ABCC4: variants seen among roughly 807,000 people sequenced by gnomAD.
ABCC4 encodes the protein ATP-binding cassette sub-family C member 4.
A neutral mutation model predicts 168.5 loss-of-function variants in ABCC4; 102 were observed. The ratio of observed to expected loss-of-function variants is 0.61; its 90% confidence interval spans 0.52 to 0.71. The LOEUF (loss-of-function observed/expected upper bound fraction) is 0.71, where lower values mean the gene tolerates loss of function less well. Among genes scored for constraint, ABCC4 ranks in the 30% least tolerant of loss-of-function variants. ABCC4 has a pLI of 0.00. For synonymous variants in ABCC4, 617 were observed against 590.7 expected (o/e 1.04, Z -0.65); for missense variants, 1,402 against 1,605.8 (o/e 0.87, Z 2.17).
intron 3 of ABCC4, among the ~76,000 whole-genome samples, chr13:95,246,399 C>T (rs1367827866): frequency 6.6e-6 from 1 of 152,186 alleles, no homozygotes; most frequent in East Asian, 1.9e-4. Flanking sequence ...TCAGCCAGCT[C>T]CAGCCTCTGG....
chr13:95,111,786 AC>A (rs1197880963), intron 20 of ABCC4, among the ~76,000 whole-genome samples: 2 of 152,216 alleles, frequency 1.3e-5, no homozygotes, highest in Non-Finnish European at 2.9e-5. Flanking sequence ...TCACATGTAA[AC>A]CAGAATTTCC....
intron 19 of ABCC4, among the ~76,000 whole-genome samples, chr13:95,152,353 T>C (rs1440533417): frequency 6.6e-6 from 1 of 152,240 alleles, no homozygotes; most frequent in Non-Finnish European, 1.5e-5. Context: ...TGGGTGTTGC[T>C]TAAAGAGATG....
At chr13:95,119,324 T>C (rs2035482478) in intron 19 of ABCC4, among the ~76,000 whole-genome samples, 1 of 152,052 alleles carries the variant, frequency 6.6e-6, no homozygotes, top group South Asian at 2.1e-4. Flanking sequence ...CATTAATAAG[T>C]GCATCAAAGA....
intron 19 of ABCC4, among the ~76,000 whole-genome samples, chr13:95,157,131 A>ACACACACACACACAC (rs1350889658): frequency 2.4e-5 from 2 of 82,708 alleles, no homozygotes; most frequent in African/African-American, 1.4e-4. Context: ...CACACACACA[A>ACACACACACACACAC]ACAGTCACCA....
chr13:95,074,579 G>T (rs2033836383), intron 22 of ABCC4, among the ~76,000 whole-genome samples: 1 of 152,200 alleles, frequency 6.6e-6, no homozygotes, highest in Non-Finnish European at 1.5e-5. Flanking sequence ...ACTGAGAAAA[G>T]TAGTCTCATA....
intron 20 of ABCC4, among the ~76,000 whole-genome samples, chr13:95,100,775 G>A (rs757087641): frequency 1.9e-4 from 29 of 152,184 alleles, no homozygotes; most frequent in Non-Finnish European, 2.2e-4. Flanking sequence ...ACTTTTGAAA[G>A]ACTCAGTAAA....
intron 8 of ABCC4, among the ~76,000 whole-genome samples, chr13:95,200,641 A>T (rs2038598028): frequency 1.3e-5 from 2 of 152,146 alleles, no homozygotes; most frequent in Non-Finnish European, 2.9e-5. Flanking sequence ...GAATCACTTG[A>T]ACCTGGGAGG....
intron 1 of ABCC4, among the ~76,000 whole-genome samples, chr13:95,276,486 G>A (rs1343763405): frequency 7.0e-6 from 1 of 142,750 alleles, no homozygotes; most frequent in African/African-American, 2.6e-5. Context: ...TAGCCTAGGC[G>A]ACAGAGTGAG....
intron 11 of ABCC4, among the ~76,000 whole-genome samples, chr13:95,179,155 A>G (rs1444980907): frequency 1.3e-5 from 2 of 152,226 alleles, no homozygotes; most frequent in Non-Finnish European, 2.9e-5. Context: ...GCATAAAGCC[A>G]CGGGACTTAC....
At chr13:95,169,635 C>G (rs1162336294) in intron 14 of ABCC4, among the ~76,000 whole-genome samples, 1 of 152,134 alleles carries the variant, frequency 6.6e-6, no homozygotes, top group East Asian at 1.9e-4. Flanking sequence ...AGCGAGGCAA[C>G]CCCACCCCTC....
intron 20 of ABCC4, among the ~76,000 whole-genome samples, chr13:95,096,964 C>T (rs936732485): frequency 1.3e-5 from 2 of 151,970 alleles, no homozygotes; most frequent in African/African-American, 4.8e-5. Context: ...TTTAAAAGAC[C>T]ATTGGTTATT....
At chr13:95,076,262 G>A (rs552719297) in intron 21 of ABCC4, among the ~76,000 whole-genome samples, 4 of 152,260 alleles carry the variant, frequency 2.6e-5, no homozygotes, top group South Asian at 2.1e-4. Flanking sequence ...TCCAGGAACC[G>A]GACAGATGTT....
At chr13:95,178,488 GA>G (rs2037783861) in intron 11 of ABCC4, among the ~76,000 whole-genome samples, 1 of 152,360 alleles carries the variant, frequency 6.6e-6, no homozygotes, top group African/African-American at 2.4e-5. Flanking sequence ...TAGGGAGACA[GA>G]GTGACAGAGG....
At chr13:95,098,127 TA>T (rs1431761800) in intron 20 of ABCC4, among the ~76,000 whole-genome samples, 1 of 122,012 alleles carries the variant, frequency 8.2e-6, no homozygotes, top group African/African-American at 3.6e-5. Flanking sequence ...CAGAGTGAGA[TA>T]CTGTCTAAAA....
At chr13:95,101,528 TATCTTC>T (rs1477773295) in intron 20 of ABCC4, among the ~76,000 whole-genome samples, 1 of 152,220 alleles carries the variant, frequency 6.6e-6, no homozygotes, top group Non-Finnish European at 1.5e-5. Context: ...CTCTGCATCT[TATCTTC>T]ATTTTTCATT....
Position 95,166,206 on chromosome 13 carries a change from T to C in ABCC4, c.1986A>G (p.Gln662=), listed in dbSNP as rs143045806. Residue 662 remains glutamine, a synonymous_variant, in exon 15 of 31, where the codon CAA becomes CAG. Coordinates refer to ENST00000645237, the MANE Select transcript of ABCC4 (RefSeq NM_005845.5). ...CTTTCAAGGAGGGTCTAGAAGATTG[T>C]TGAGACCAAACCGAAGACTCTGAGA... The part of the protein sequence containing the change: ...RTFSESSVWS[Q]QSSRPSLKDG... 761 of 1,614,142 alleles carry C rather than the reference T, an allele frequency of 4.7e-4. 9 individuals are homozygous for C. In the South Asian group the frequency reaches 7.6e-3, roughly 16 times the overall value.
intron 27 of ABCC4, among the ~76,000 whole-genome samples, chr13:95,045,868 C>T (rs559964824): frequency 1.7e-4 from 26 of 152,246 alleles, no homozygotes; most frequent in African/African-American, 1.7e-4. Context: ...ACCTTAAACA[C>T]GGAAGCACAC....
intron 30 of ABCC4, among the ~76,000 whole-genome samples, chr13:95,022,384 G>C (rs2031141871): frequency 6.6e-6 from 1 of 152,176 alleles, no homozygotes; most frequent in African/African-American, 2.4e-5. Flanking sequence ...AACTAGAAGA[G>C]ATACAGGTTT....
chr13:95,162,041 T>C (rs1413499221), intron 18 of ABCC4, among the ~76,000 whole-genome samples: 1 of 152,220 alleles, frequency 6.6e-6, no homozygotes. Flanking sequence ...CATCTCTTCA[T>C]TCACAATGCT....
Sources: allele counts gnomAD v4.1 joint callset (sites outside exome capture counted in the v4.1 genomes callset), GRCh38; gene constraint gnomAD v4.1.1; transcripts MANE v1.5; gene names NCBI Gene and HGNC (gene_info 2026-07-23, HGNC 2026-07-21).